Variants in TECRL observed in about 807,000 individuals in gnomAD.
TECRL encodes trans-2,3-enoyl-CoA reductase like.
In TECRL, 63 loss-of-function variants were observed where a neutral mutation model predicts 52.8. That is an observed-to-expected ratio of 1.19 (90% CI 0.97 to 1.47). The LOEUF (loss-of-function observed/expected upper bound fraction) is 1.47, where lower values mean the gene tolerates loss of function less well. Among genes scored for constraint, TECRL ranks in the 40% most tolerant of loss-of-function variants. TECRL has a pLI of 0.00. For missense variants in TECRL, 482 were observed against 429.6 expected (o/e 1.12, Z -1.08); for synonymous variants, 164 against 141.9 (o/e 1.16, Z -1.10).
intron 8 of TECRL, among the ~76,000 whole-genome samples, chr4:64,299,423 A>G (rs1023179402): frequency 1.3e-5 from 2 of 151,192 alleles, no homozygotes; most frequent in African/African-American, 4.8e-5. Flanking sequence ...AAAAGTGTCA[A>G]ATGAAATAAT....
In TECRL at chr4:64,322,597, C is replaced by T. The variant is rs540116084; in HGVS notation, c.435+92G>A. ...AAATACCTTTCACTACATTTTGTTT[C>T]GCTATGAGTTTATTTGATAGAATTA... On this transcript the variant is annotated intron_variant, in intron 4 of 11. Coordinates refer to ENST00000381210, the MANE Select transcript of TECRL (RefSeq NM_001010874.5). 4.2e-4 allele frequency: 345 copies of T among 822,686 alleles called. 1 individual carries two copies. In the African/African-American group the frequency reaches 5.4e-3, roughly 13 times the overall value. The allele number at this position is 822,686 out of a possible 1,614,324, so 51.0% of individuals were successfully genotyped here.
chr4:64,378,217 T>C, intron 1 of TECRL, among the ~76,000 whole-genome samples: 1 of 152,000 alleles, frequency 6.6e-6, no homozygotes, highest in East Asian at 1.9e-4. Context: ...AAGAATCACA[T>C]GTTAAGCTTG....
intron 8 of TECRL, among the ~76,000 whole-genome samples, chr4:64,291,014 T>C (rs1239373558): frequency 6.6e-6 from 1 of 152,126 alleles, no homozygotes; most frequent in East Asian, 1.9e-4. Context: ...GTAATACTTT[T>C]TAAGTTGAAA....
intron 4 of TECRL, among the ~76,000 whole-genome samples, 185 bp from the exon 5 acceptor site, chr4:64,314,948 A>G (rs557300598): frequency 6.6e-6 from 1 of 152,274 alleles, no homozygotes; most frequent in Admixed American, 6.5e-5. Context: ...TAATATATGT[A>G]TAGTTAATTT....
At chr4:64,331,849 G>GA (rs1258655348) in intron 2 of TECRL, among the ~76,000 whole-genome samples, 1 of 151,922 alleles carries the variant, frequency 6.6e-6, no homozygotes, top group Non-Finnish European at 1.5e-5. Context: ...AAATATGAAA[G>GA]ATAGATTAAA....
chr4:64,299,770 T>A (rs1723898613), intron 8 of TECRL, among the ~76,000 whole-genome samples: 1 of 150,912 alleles, frequency 6.6e-6, no homozygotes, highest in Non-Finnish European at 1.5e-5. Context: ...CCTTTAGAGA[T>A]GACTACAACA....
intron 1 of TECRL, among the ~76,000 whole-genome samples, chr4:64,407,321 A>C (rs1724800005): frequency 6.6e-6 from 1 of 152,114 alleles, no homozygotes; most frequent in Non-Finnish European, 1.5e-5. Flanking sequence ...CAAAATTCTT[A>C]TCTCTGAATA....
chr4:64,323,368 G>C (rs928789888), intron 3 of TECRL, among the ~76,000 whole-genome samples: 5 of 151,956 alleles, frequency 3.3e-5, no homozygotes, highest in African/African-American at 1.2e-4. Context: ...CTGTACTCCA[G>C]TCTGGGCGAC....
intron 1 of TECRL, among the ~76,000 whole-genome samples, chr4:64,379,875 T>C (rs1269536357): frequency 6.6e-6 from 1 of 152,110 alleles, no homozygotes. Context: ...AGGATGCAGG[T>C]ATCCCTTTGA....
chr4:64,382,207 AT>A lies in TECRL; in HGVS notation c.235-6985del, dbSNP rs1238423055. On this transcript the variant is annotated intron_variant, in intron 1 of 11. Coordinates refer to ENST00000381210, the MANE Select transcript of TECRL (RefSeq NM_001010874.5). ...GAAATTTCTGTATATATATATATATATATATATATATATATATATATATATA... is the reference window on the plus strand; with the variant it reads ...GAAATTTCTGTATATATATATATATAATATATATATATATATATATATATA... Among the ~76,000 whole-genome samples, 80 of 2,584 alleles carry A rather than the reference AT, an allele frequency of 0.031. No homozygotes were observed. In the East Asian group the frequency reaches 0.47, roughly 15 times the overall value. 1.7% of individuals were successfully genotyped at this position (2,584 alleles called of 152,430 possible).
intron 2 of TECRL, among the ~76,000 whole-genome samples, chr4:64,370,188 C>T (rs1056439451): frequency 2.6e-5 from 4 of 151,394 alleles, no homozygotes; most frequent in Admixed American, 6.6e-5. Flanking sequence ...CAAGAAATAC[C>T]GATGCTATAA....
At chr4:64,324,782 ATATAT>A (rs1718140389) in intron 3 of TECRL, among the ~76,000 whole-genome samples, 2 of 152,112 alleles carry the variant, frequency 1.3e-5, no homozygotes, top group African/African-American at 2.4e-5. Context: ...ATATATATAC[ATATAT>A]AATTACATAT....
At chr4:64,359,376 C>T (rs183831547) in intron 2 of TECRL, among the ~76,000 whole-genome samples, 36 of 151,912 alleles carry the variant, frequency 2.4e-4, no homozygotes, top group Non-Finnish European at 3.8e-4. Context: ...ATTGTAAATG[C>T]CATTATACTG....
intron 1 of TECRL, among the ~76,000 whole-genome samples, chr4:64,393,169 C>G (rs1488943393): frequency 6.6e-6 from 1 of 151,946 alleles, no homozygotes; most frequent in Non-Finnish European, 1.5e-5. Flanking sequence ...GATAGTAAAC[C>G]TATTACCTAG....
chr4:64,369,333 T>C lies in TECRL; in HGVS notation c.286+5839A>G, dbSNP rs190963649. 2.0e-4 allele frequency among the ~76,000 whole-genome samples: 30 copies of C among 152,272 alleles called. 1 individual carries two copies. The highest frequency in any genetic ancestry group is 5.2e-4 in the Admixed American group (8 of 15,256). On this transcript the variant is annotated intron_variant, in intron 2 of 11. Coordinates refer to ENST00000381210, the MANE Select transcript of TECRL (RefSeq NM_001010874.5). ...ATATTCATATTAGCTGTTGTTTTTA[T>C]TAATAATTTAGTAGTTTTTTTACAC...
rs138467268 is a variant in TECRL, at chr4:64,380,444, C to G, written c.235-5221G>C. Among the ~76,000 whole-genome samples the G allele has an allele frequency of 4.6e-4, 70 of 152,040 alleles. No homozygotes were observed. The East Asian group carries it at 0.011, about 23-fold the overall frequency. ...CATTTGTGTATTTTTGTTTTTGCTA[C>G]CTATACTTTTGAGGTCTTAGTTATG... On this transcript the variant is annotated intron_variant, in intron 1 of 11. Coordinates refer to ENST00000381210, the MANE Select transcript of TECRL (RefSeq NM_001010874.5).
intron 1 of TECRL, among the ~76,000 whole-genome samples, chr4:64,380,250 T>C (rs1405376148): frequency 6.6e-6 from 1 of 152,058 alleles, no homozygotes; most frequent in East Asian, 1.9e-4. Flanking sequence ...GAATGATTTG[T>C]TTGCTTGTTT....
chr4:64,311,096 C>T (rs932025641), intron 5 of TECRL, among the ~76,000 whole-genome samples: 24 of 152,144 alleles, frequency 1.6e-4, no homozygotes, highest in African/African-American at 5.8e-4. Flanking sequence ...TAAAATTAGA[C>T]ATTGAGTTTA....
chr4:64,399,651 G>A (rs1724213143), intron 1 of TECRL, among the ~76,000 whole-genome samples: 1 of 152,188 alleles, frequency 6.6e-6, no homozygotes, highest in South Asian at 2.1e-4. Flanking sequence ...CCTGGCTGCT[G>A]GAGCTTCAAC....
Sources: gnomAD v4.1 joint callset for allele counts (sites outside exome capture counted in the v4.1 genomes callset) on GRCh38, gnomAD v4.1.1 for gene constraint, MANE v1.5 for transcripts, NCBI Gene and HGNC (gene_info 2026-07-23, HGNC 2026-07-21) for gene names.